The following CGREF1 variants were observed in gnomAD, a reference collection of about 807,000 sequenced individuals.
The protein encoded by CGREF1 is cell growth regulator with EF hand domain protein 1.
Under a neutral mutation model 17.4 loss-of-function variants are expected in CGREF1, and 16 were observed. The ratio of observed to expected loss-of-function variants is 0.92; its 90% CI spans 0.62 to 1.40. The LOEUF (loss-of-function observed/expected upper bound fraction) is 1.40. CGREF1 is among the 40% of genes most tolerant of loss of function. CGREF1 has a pLI of 0.00. For synonymous variants in CGREF1, 142 were observed against 154.6 expected, an observed-to-expected ratio of 0.92 and a Z score of 0.61; for missense variants, 296 against 376.4, an observed-to-expected ratio of 0.79 and a Z score of 1.77.
chr2:27,112,637 G>A (rs1335088003), intron 1 of CGREF1, among the ~76,000 whole-genome samples: 1 of 152,186 alleles, frequency 6.6e-6, no homozygotes, highest in African/African-American at 2.4e-5. Flanking sequence ...ACAAAGATAT[G>A]TATAGCTGTG....
chr2:27,114,203 C>G (rs1182261099), intron 1 of CGREF1, among the ~76,000 whole-genome samples: 1 of 152,036 alleles, frequency 6.6e-6, no homozygotes, highest in Admixed American at 6.6e-5. Context: ...CCATGTTGGC[C>G]AGGATGGTCT....
rs757668558 is a variant in CGREF1, at chr2:27,102,199, G to A, written c.240C>T (p.Leu80=). The change falls in exon 5 of 6, where the codon CTC becomes CTT. Residue 80 remains leucine, a synonymous_variant. Transcript: ENST00000402394. ...REQVLLYLFA[L]HDYDQSGQLD... is the part of the protein sequence containing the mutation. ...GCTGTCCACTCTGGTCATAGTCATG[G>A]AGGGCAAAGAGGTAGAGGAGAACTA... The A allele has an allele frequency of 6.2e-7, 1 of 1,612,178 alleles. No homozygotes were observed.
downstream of CGREF1, chr2:27,100,457 G>A: frequency 7.7e-7 from 1 of 1,291,020 alleles, no homozygotes; most frequent in Non-Finnish European, 1.0e-6. Flanking sequence ...TGTGACCCAG[G>A]ATACAGAGTG....
chr2:27,100,261 A>C (rs1670732217), downstream of CGREF1: 1 of 400,350 alleles, frequency 2.5e-6, no homozygotes, highest in Admixed American at 3.5e-5. Flanking sequence ...CTGGGAGTCC[A>C]CACCGCTGAG....
intron 1 of CGREF1, 81 bp from the exon 2 acceptor site, chr2:27,104,458 C>T (rs1355657712): frequency 2.6e-6 from 4 of 1,566,986 alleles, no homozygotes; most frequent in African/African-American, 1.4e-5. Context: ...TAGACACAAG[C>T]GCATTTTCTG....
At chr2:27,099,689 G>A, downstream of CGREF1, 1 of 1,614,186 alleles carries the variant, frequency 6.2e-7, no homozygotes, top group Non-Finnish European at 8.5e-7. Flanking sequence ...GAAGCACTGA[G>A]ATTCGGGTGC....
At chr2:27,099,576 G>A, downstream of CGREF1, 2 of 1,614,178 alleles carry the variant, frequency 1.2e-6, no homozygotes, top group African/African-American at 1.3e-5. Flanking sequence ...GCCTCTCCCA[G>A]GGTGAGTATG....
chr2:27,107,947 A>AAG (rs1553347248), intron 1 of CGREF1, among the ~76,000 whole-genome samples: 35 of 148,390 alleles, frequency 2.4e-4, no homozygotes, highest in South Asian at 1.0e-3. Flanking sequence ...AAAAAAAAAA[A>AAG]AAAGAAAGAA....
rs144782472 is a variant in CGREF1 at position 27,104,326 on chromosome 2, A to T, written c.41T>A (p.Leu14His). Residue 14 changes from leucine to histidine, a missense_variant, in exon 2 of 6, where the codon CTC (leucine) becomes CAC (histidine). By Grantham distance (99) the Leu-to-His change is moderately conservative. Transcript: ENST00000402394. ...LTMTVLILLLLPTGQAAPKDG... is the reference protein window; with the variant it reads ...LTMTVLILLLHPTGQAAPKDG... ...CTTTGGGGCAGCCTGACCCGTGGGG[A>T]GCAGCAGCAGGATTAACACTGTCAT... 7 of 1,589,898 alleles carry T rather than the reference A, an allele frequency of 4.4e-6. No individual in the cohort carries two copies. Among genetic ancestry groups the T allele is most frequent in the Middle Eastern group, 3.4e-4 (2 of 5,940 alleles).
rs537582075 is a variant in CGREF1, at chr2:27,116,871, T to TTCTCTCTCTCTC, written c.-12+1963_-12+1974dup. Among the ~76,000 whole-genome samples the TTCTCTCTCTCTC allele has an allele frequency of 5.8e-3, 194 of 33,654 alleles. 4 individuals are homozygous for TTCTCTCTCTCTC. Among genetic ancestry groups the TTCTCTCTCTCTC allele is most frequent in the Middle Eastern group, 0.053 (2 of 38 alleles). 22.1% of individuals were successfully genotyped at this position (33,654 alleles called of 152,430 possible). On this transcript the variant is annotated intron_variant, in intron 1 of 5. Coordinates refer to ENST00000402394, the MANE Select transcript of CGREF1 (RefSeq NM_006569.6). ...GGGATGAGCCACCAGGCCAGGCCTA[T>TTCTCTCTCTCTC]TCTCTCTCTCTCTCTCTCTCTCTCT...
intron 1 of CGREF1, among the ~76,000 whole-genome samples, chr2:27,105,163 G>A (rs780947032): frequency 9.9e-5 from 15 of 152,228 alleles, no homozygotes; most frequent in Non-Finnish European, 2.2e-4. Flanking sequence ...TGTACAGGTA[G>A]TGTGAGTTCC....
intron 1 of CGREF1, among the ~76,000 whole-genome samples, chr2:27,112,097 C>T (rs1671413783): frequency 6.6e-6 from 1 of 152,130 alleles, no homozygotes; most frequent in Non-Finnish European, 1.5e-5. Flanking sequence ...TAGTGAGACC[C>T]CCATCTCTAC....
chr2:27,110,577 A>AAC (rs1553347624), intron 1 of CGREF1: 5 of 151,386 alleles, frequency 3.3e-5, no homozygotes, highest in Non-Finnish European at 5.9e-5. Context: ...TAAAATAAAA[A>AAC]ATATATATAT....
At chr2:27,107,778 C>CA (rs1277395718) in intron 1 of CGREF1, among the ~76,000 whole-genome samples, 1 of 142,468 alleles carries the variant, frequency 7.0e-6, no homozygotes, top group African/African-American at 2.6e-5. Flanking sequence ...ACTAAAAATA[C>CA]AAAAAATTAG....
chr2:27,116,904 TCTCTCTCTCTCTCTCTC>T (rs1428908757), intron 1 of CGREF1, among the ~76,000 whole-genome samples: 35 of 130,444 alleles, frequency 2.7e-4, no homozygotes, highest in South Asian at 5.2e-4. Context: ...TCTCTCTCTC[TCTCTCTCTCTCTCTCTC>T]TCTTTTTTTG....
In CGREF1 at chr2:27,103,518, A is replaced by G. The variant is rs148797671; in HGVS notation, c.80+769T>C. 7.0e-3 allele frequency among the ~76,000 whole-genome samples: 1,071 copies of G among 151,984 alleles called. 11 individuals carry two copies. Among genetic ancestry groups the G allele is most frequent in the African/African-American group, 0.025 (1,020 of 41,518 alleles). ...CTCCTGAGTAGCTGGGATTACAGGC[A>G]TGCACCACCATGCCCGGCTAATTGT... is the stretch of plus-strand genomic sequence containing the variant. On this transcript the variant is annotated intron_variant, in intron 2 of 5. Transcript: ENST00000402394.
At chr2:27,118,307 G>A (rs1671663835) in intron 1 of CGREF1, among the ~76,000 whole-genome samples, 1 of 152,164 alleles carries the variant, frequency 6.6e-6, no homozygotes, top group Non-Finnish European at 1.5e-5. Flanking sequence ...GAGTCGAACT[G>A]TTGGGAAGCT....
At chr2:27,099,379 CG>C (rs554901179), downstream of CGREF1, 742 of 1,611,354 alleles carry the variant, frequency 4.6e-4, 5 homozygotes, top group African/African-American at 8.9e-3. Context: ...GCTGGGGGGA[CG>C]GGGTGGGCTA....
chr2:27,104,246 C>T (rs758156469), intron 2 of CGREF1, 41 bp downstream of exon 2: 2 of 1,518,260 alleles, frequency 1.3e-6, no homozygotes, highest in Non-Finnish European at 8.8e-7. Flanking sequence ...AGAGACTTTC[C>T]CTCCTCCCAG....
Sources: allele counts gnomAD v4.1 joint callset (sites outside exome capture counted in the v4.1 genomes callset), GRCh38; gene constraint gnomAD v4.1.1; transcripts MANE v1.5; gene names NCBI Gene and HGNC (gene_info 2026-07-23, HGNC 2026-07-21).